TSR3: variants seen among roughly 807,000 people sequenced by gnomAD.
The protein encoded by TSR3 is TSR3 ribosome maturation factor.
TSR3 carries 31 observed loss-of-function variants against 28.1 expected under a neutral mutation model. The ratio of observed to expected loss-of-function variants is 1.10; its 90% CI spans 0.83 to 1.49. The LOEUF (loss-of-function observed/expected upper bound fraction) is 1.49, where lower values mean the gene tolerates loss of function less well. Among genes scored for constraint, TSR3 ranks in the 40% most tolerant of loss-of-function variants. The probability of loss-of-function intolerance (pLI) is 0.00; values close to 1 mark genes in which losing one functional copy is unlikely to be tolerated. For synonymous variants in TSR3, 219 were observed against 197.2 expected (o/e 1.11, Z -0.93); for missense variants, 511 against 444.0 (o/e 1.15, Z -1.36).
Position 1,351,731 on chromosome 16 carries a change from AG to A in TSR3, c.73del (p.Leu25TrpfsTer74). 1 of 1,371,540 alleles carries A rather than the reference AG, an allele frequency of 7.3e-7. No homozygotes were observed. The highest frequency in any genetic ancestry group is 9.4e-7 in the Non-Finnish European group (1 of 1,067,144). The allele number at this position is 1,371,540 out of a possible 1,614,324, so 85.0% of individuals were successfully genotyped here. A position where few individuals can be genotyped will look rare whatever the true frequency, so the allele number is the denominator to read the frequency against. On this transcript the variant is annotated frameshift_variant, in exon 1 of 6. Coordinates refer to ENST00000007390, the MANE Select transcript of TSR3 (RefSeq NM_001001410.3). LOFTEE classifies it high-confidence loss of function. ...GCCGACCTCCTCGGCGAAGGCCTCC[AG>A]GGAGCGCGTCGGGAGGTGCCGAGGG... ...GRPRHLPTRS[L>X]EAFAEEVGAA...
At position 1,351,489 on chromosome 16, in the gene TSR3, C is replaced by G; in HGVS notation, c.222G>C (p.Thr74=). 4 of 1,565,632 alleles carry G rather than the reference C, an allele frequency of 2.6e-6. No homozygotes were observed. The highest frequency in any genetic ancestry group is 3.4e-6 in the Non-Finnish European group (4 of 1,164,326). ...ELGHCDPRRC[T]GRKLARLGLV... is the part of the protein sequence containing the mutation. ...GCCCCAGGCGGGCCAGCTTGCGGCC[C>G]GTGCAGCGCCGGGGGTCGCAGTGGC... The change falls in exon 2 of 6, where the codon ACG becomes ACC. Residue 74 remains threonine (T), a synonymous_variant. Coordinates refer to ENST00000007390, the MANE Select transcript of TSR3 (RefSeq NM_001001410.3).
At chr16:1,351,082 G>A (rs1210572163) in intron 2 of TSR3, 82 bp from the exon 3 acceptor site, 9 of 1,419,316 alleles carry the variant, frequency 6.3e-6, no homozygotes, top group South Asian at 1.3e-5. Context: ...CTAGCTAAGG[G>A]ATTCAGGGAC....
Position 1,349,878 on chromosome 16 carries a change from C to A in TSR3, c.767+11G>T, listed in dbSNP as rs751764753. 6.2e-7 allele frequency: 1 copy of A among 1,613,660 alleles called. No individual in the cohort carries two copies. The highest frequency in any genetic ancestry group is 8.5e-7 in the Non-Finnish European group (1 of 1,179,966). On this transcript the variant is annotated intron_variant, in intron 5 of 5. Coordinates refer to ENST00000007390, the MANE Select transcript of TSR3 (RefSeq NM_001001410.3). ...GTCTGAGTGATCATGAAATTAAGCC[C>A]AAGGACCTACCGGGTGCTGGCCACA...
rs549613372 is a variant in TSR3, at chr16:1,349,798, A to C, written c.767+91T>G. 154 of 1,526,104 alleles carry C rather than the reference A, an allele frequency of 1.0e-4. No individual in the cohort carries two copies. In the African/African-American group the frequency reaches 1.1e-3, roughly 10 times the overall value. The allele number at this position is 1,526,104 out of a possible 1,614,324, so 94.5% of individuals were successfully genotyped here. Reference sequence around the variant, plus strand: ...GAAGACCATCGGGGTGTTGTTTACAACACCACCCCCAGGCAGCAGGAAGGG... The same window carrying C: ...GAAGACCATCGGGGTGTTGTTTACACCACCACCCCCAGGCAGCAGGAAGGG... On this transcript the variant is annotated intron_variant, in intron 5 of 5. Coordinates refer to ENST00000007390, the MANE Select transcript of TSR3 (RefSeq NM_001001410.3).
In TSR3 at chr16:1,350,226, C is replaced by T. The variant is rs768593176; in HGVS notation, c.535G>A (p.Asp179Asn). 2 of 1,593,638 alleles carry T rather than the reference C, an allele frequency of 1.3e-6. No homozygotes were observed. The highest frequency in any genetic ancestry group is 1.7e-6 in the Non-Finnish European group (2 of 1,175,366). The change falls in exon 4 of 6, where the codon GAC (aspartate) becomes AAC (asparagine). Residue 179 changes from aspartate to asparagine, a missense_variant. By Grantham distance (23) the Asp-to-Asn change is conservative. Transcript: ENST00000007390. ...AATFCIVGFP[D>N]LAVILLRKFK... is the part of the protein sequence containing the mutation. ...TTCCGCAGCAAAATGACAGCAAGGT[C>T]TGGAAAGCCTGACGGTGTGAGAAAC...
At position 1,351,759 on chromosome 16, in the gene TSR3, G is replaced by T; in HGVS notation, c.46C>A (p.Arg16Ser). Residue 16 changes from arginine (R) to serine (S), a missense_variant, in exon 1 of 6, where the codon CGC becomes AGC. Coordinates refer to ENST00000007390, the MANE Select transcript of TSR3 (RefSeq NM_001001410.3). ...AARGPGAEGG[R>S]PRHLPTRSLE... ...GAGCGCGTCGGGAGGTGCCGAGGGC[G>T]GCCGCCTTCCGCCCCCGGCCCGCGC... 2 of 1,353,770 alleles carry T rather than the reference G, an allele frequency of 1.5e-6. No individual in the cohort carries two copies. The highest frequency in any genetic ancestry group is 1.8e-5 in the South Asian group (1 of 56,210). 83.9% of individuals were successfully genotyped at this position (1,353,770 alleles called of 1,614,324 possible). A position where few individuals can be genotyped will look rare whatever the true frequency, so the allele number is the denominator to read the frequency against.
Position 1,349,970 on chromosome 16 carries a change from A to C in TSR3, c.704-18T>G, listed in dbSNP as rs753790049. 3.0e-5 allele frequency: 48 copies of C among 1,613,136 alleles called. 1 individual carries two copies. In the Middle Eastern group the frequency reaches 4.9e-4, roughly 17 times the overall value. On this transcript the variant is annotated intron_variant, in intron 4 of 5. Transcript: ENST00000007390. ...GAAGGGATCTGAGCCGAGAGAGGAA[A>C]GTGGCCTCTAAGTGAGCTCAGAGCA...
At position 1,351,437 on chromosome 16, in the gene TSR3, T is replaced by C; in HGVS notation, c.274A>G (p.Arg92Gly). Residue 92 changes from arginine (R) to glycine (G), a missense_variant, in exon 2 of 6, where the codon AGA becomes GGA. Coordinates refer to ENST00000007390, the MANE Select transcript of TSR3 (RefSeq NM_001001410.3). ...GGGCTCAGCACCAGACCGCCGAATC[T>C]GTGGCCCAGGCGCAGGCAGCGCACC... ...GLVRCLRLGH[R>G]FGGLVLSPVG... 1 of 1,595,180 alleles carries C rather than the reference T, an allele frequency of 6.3e-7. No homozygotes were observed. The highest frequency in any genetic ancestry group is 8.5e-7 in the Non-Finnish European group (1 of 1,178,604).
chr16:1,351,461 C>A lies in TSR3; in HGVS notation c.250G>T (p.Val84Leu). The change falls in exon 2 of 6, where the codon GTG becomes TTG. Residue 84 changes from valine (V) to leucine (L), a missense_variant. Coordinates refer to ENST00000007390, the MANE Select transcript of TSR3 (RefSeq NM_001001410.3). ...CTGTGGCCCAGGCGCAGGCAGCGCACCAGCCCCAGGCGGGCCAGCTTGCGG... is the reference window on the plus strand; with the variant it reads ...CTGTGGCCCAGGCGCAGGCAGCGCAACAGCCCCAGGCGGGCCAGCTTGCGG... ...TGRKLARLGLVRCLRLGHRFG... is the reference protein window; with the variant it reads ...TGRKLARLGLLRCLRLGHRFG... 1 of 1,590,530 alleles carries A rather than the reference C, an allele frequency of 6.3e-7. No individual in the cohort carries two copies. Among genetic ancestry groups the A allele is most frequent in the Non-Finnish European group, 8.5e-7 (1 of 1,176,558 alleles).
rs2141627203 is a variant in TSR3, at chr16:1,349,444, C to T, written c.932G>A (p.Arg311Lys). The change falls in exon 6 of 6, where the codon AGA (arginine) becomes AAA (lysine). Residue 311 changes from arginine (R) to lysine (K), a missense_variant. Transcript: ENST00000007390. The stretch of plus-strand genomic sequence containing the variant: ...TATATGTGTCTGCAACCCTCAGTCT[C>T]TCTGCCGTTTCTTGATTCCTTTCCA... ...EVWKGIKKRQ[R>K]D 3 of 1,613,658 alleles carry T rather than the reference C, an allele frequency of 1.9e-6. No individual in the cohort carries two copies. Among genetic ancestry groups the T allele is most frequent in the East Asian group, 4.5e-5 (2 of 44,882 alleles).
chr16:1,351,002 T>C lies in TSR3; in HGVS notation c.333-2A>G. 1 of 1,611,174 alleles carries C rather than the reference T, an allele frequency of 6.2e-7. No individual in the cohort carries two copies. Among genetic ancestry groups the C allele is most frequent in the Non-Finnish European group, 8.5e-7 (1 of 1,179,566 alleles). On this transcript the variant is annotated splice_acceptor_variant, in intron 2 of 5. Coordinates refer to ENST00000007390, the MANE Select transcript of TSR3 (RefSeq NM_001001410.3). LOFTEE classifies it high-confidence loss of function. Reference sequence around the variant, plus strand: ...ACCCCAGACTGCGCCACCAGCTGTCTGCCAGGGACAGCATGGGATAAGTTC... The same window carrying C: ...ACCCCAGACTGCGCCACCAGCTGTCCGCCAGGGACAGCATGGGATAAGTTC...
In TSR3 at chr16:1,350,160, G is replaced by C; in HGVS notation, c.601C>G (p.Leu201Val). The change falls in exon 4 of 6, where the codon CTC becomes GTC. Residue 201 changes from leucine to valine, a missense_variant. Transcript: ENST00000007390. ...CCGCAGGCCGCGTACTTGTCCAGGA[G>C]CTGGCGGTTCAGGTCCAAGAAGCCC... ...GKGFLDLNRQ[L>V]LDKYAACGSP... The C allele has an allele frequency of 1.2e-6, 2 of 1,611,762 alleles. No individual in the cohort carries two copies. Among genetic ancestry groups the C allele is most frequent in the Non-Finnish European group, 1.7e-6 (2 of 1,179,858 alleles).
chr16:1,349,706 T>C (rs2034614484), intron 5 of TSR3, 98 bp from the exon 6 acceptor site: 2 of 1,439,736 alleles, frequency 1.4e-6, no homozygotes, highest in African/African-American at 1.4e-5. Flanking sequence ...GACAGATTCC[T>C]CTTCCTCCCT....
intron 5 of TSR3, 62 bp from the exon 6 acceptor site, chr16:1,349,670 T>A (rs935071891): frequency 6.5e-7 from 1 of 1,529,792 alleles, no homozygotes; most frequent in African/African-American, 1.4e-5. Context: ...GGAGTCAACG[T>A]CATCCACAAA....
Position 1,351,810 on chromosome 16 carries a change from G to T in TSR3, c.-6C>A. The T allele has an allele frequency of 1.5e-6, 2 of 1,313,626 alleles. No individual in the cohort carries two copies. The highest frequency in any genetic ancestry group is 1.9e-6 in the Non-Finnish European group (2 of 1,037,062). The allele number at this position is 1,313,626 out of a possible 1,614,324, so 81.4% of individuals were successfully genotyped here. A position where few individuals can be genotyped will look rare whatever the true frequency, so the allele number is the denominator to read the frequency against. ...GCTGCCCTCCTGCGGCCCATGGCGC[G>T]GACCTGGGGTGCCGGGGACTCCCCA... On this transcript the variant is annotated 5_prime_UTR_variant, in exon 1 of 6. Coordinates refer to ENST00000007390, the MANE Select transcript of TSR3 (RefSeq NM_001001410.3).
At chr16:1,349,862 A>G in intron 5 of TSR3, 27 bp downstream of exon 5, 1 of 1,613,080 alleles carries the variant, frequency 6.2e-7, no homozygotes, top group Non-Finnish European at 8.5e-7. Flanking sequence ...GGTCTGAGTG[A>G]TCATGAAATT....
rs372514570 is a variant in TSR3, at chr16:1,350,240, G to A, written c.527-6C>T. ...GACAGCAAGGTCTGGAAAGCCTGACGGTGTGAGAAACAGGAAACCCAAAGA... is the reference window on the plus strand; with the variant it reads ...GACAGCAAGGTCTGGAAAGCCTGACAGTGTGAGAAACAGGAAACCCAAAGA... On this transcript the variant is annotated splice_polypyrimidine_tract_variant and splice_region_variant and intron_variant, in intron 3 of 5. Transcript: ENST00000007390. The A allele has an allele frequency of 1.2e-3, 1,865 of 1,578,980 alleles. 30 individuals carry two copies. In the South Asian group the frequency reaches 0.017, roughly 15 times the overall value.
chr16:1,351,259 G>A (rs2034669433), intron 2 of TSR3, 120 bp downstream of exon 2: 1 of 1,185,238 alleles, frequency 8.4e-7, no homozygotes, highest in African/African-American at 1.5e-5. Context: ...AAACTAGACA[G>A]ACGTTCCCTG....
rs747753220 is a variant in TSR3 at position 1,351,428 on chromosome 16, C to G, written c.283G>C (p.Gly95Arg). The G allele has an allele frequency of 6.3e-7, 1 of 1,595,718 alleles. No individual in the cohort carries two copies. The highest frequency in any genetic ancestry group is 2.2e-5 in the East Asian group (1 of 44,702). ...RCLRLGHRFGGLVLSPVGKQY... is the reference protein window; with the variant it reads ...RCLRLGHRFGRLVLSPVGKQY... ...TTGCCCACGGGGCTCAGCACCAGAC[C>G]GCCGAATCTGTGGCCCAGGCGCAGG... is the stretch of plus-strand genomic sequence containing the variant. The change falls in exon 2 of 6, where the codon GGT (glycine) becomes CGT (arginine). Residue 95 changes from glycine to arginine, a missense_variant. Coordinates refer to ENST00000007390, the MANE Select transcript of TSR3 (RefSeq NM_001001410.3).
Sources: gnomAD v4.1 joint callset for allele counts on GRCh38, gnomAD v4.1.1 for gene constraint, MANE v1.5 for transcripts, NCBI Gene and HGNC (gene_info 2026-07-23, HGNC 2026-07-21) for gene names.